NUP188: variants seen among roughly 807,000 people sequenced by gnomAD.
The protein encoded by NUP188 is nucleoporin NUP188.
NUP188 carries 97 observed loss-of-function variants against 223.0 expected under a neutral mutation model. That is an observed-to-expected ratio of 0.43 (90% CI 0.37 to 0.51). NUP188 has a LOEUF of 0.51. Among genes scored for constraint, NUP188 ranks in the 20% least tolerant of loss-of-function variants. NUP188 has a pLI of 0.00. For missense variants in NUP188, 1,947 were observed against 2,175.6 expected (o/e 0.89, Z 2.09); for synonymous variants, 869 against 828.0 (o/e 1.05, Z -0.85).
Position 129,001,743 on chromosome 9 carries a change from C to T in NUP188, c.4044+14C>T. The T allele has an allele frequency of 6.2e-7, 1 of 1,612,122 alleles. No homozygotes were observed. Among genetic ancestry groups the T allele is most frequent in the Non-Finnish European group, 8.5e-7 (1 of 1,179,278 alleles). ...CGCACTCAGCAGGTAGGAGGCCAGC[C>T]CGAAGGCAGGAGGGAGCGTCCTTGC... On this transcript the variant is annotated intron_variant, in intron 35 of 43. Coordinates refer to ENST00000372577, the MANE Select transcript of NUP188 (RefSeq NM_015354.3).
intron 37 of NUP188, 146 bp downstream of exon 37, chr9:129,003,121 C>T: frequency 9.1e-7 from 1 of 1,093,940 alleles, no homozygotes; most frequent in Non-Finnish European, 1.3e-6. Context: ...AAGTACTCTG[C>T]TGGCTCACTG....
chr9:128,987,524 A>G, intron 22 of NUP188, 65 bp from the exon 23 acceptor site: 1 of 1,538,180 alleles, frequency 6.5e-7, no homozygotes, highest in Non-Finnish European at 8.8e-7. Context: ...CTAATTGGAC[A>G]ATGCCCTTCC....
At chr9:128,997,251 A>C (rs575586739) in intron 30 of NUP188, among the ~76,000 whole-genome samples, 2 of 152,284 alleles carry the variant, frequency 1.3e-5, no homozygotes, top group South Asian at 4.2e-4. Context: ...TTCATGAAAG[A>C]GGCAAGCAGG....
At chr9:128,999,458 A>G (rs1184309167) in intron 33 of NUP188, 141 bp downstream of exon 33, 1 of 1,300,468 alleles carries the variant, frequency 7.7e-7, no homozygotes. Flanking sequence ...ACCCCAAGAA[A>G]GCTATTTTTT....
In NUP188 at chr9:128,998,143, C is replaced by T; in HGVS notation, c.3352-8C>T. On this transcript the variant is annotated splice_region_variant and splice_polypyrimidine_tract_variant and intron_variant, in intron 30 of 43. Transcript: ENST00000372577. Reference sequence around the variant, plus strand: ...TCCCAGCTGAAACCTTTTTCTGTTCCTTTGCAGGCAGATATAATGCACCTG... The same window carrying T: ...TCCCAGCTGAAACCTTTTTCTGTTCTTTTGCAGGCAGATATAATGCACCTG... 1 of 1,612,090 alleles carries T rather than the reference C, an allele frequency of 6.2e-7. No homozygotes were observed. Among genetic ancestry groups the T allele is most frequent in the Non-Finnish European group, 8.5e-7 (1 of 1,178,184 alleles).
At position 128,988,161 on chromosome 9, in the gene NUP188, C is replaced by G. The variant is rs1257628152; in HGVS notation, c.2508C>G (p.Pro836=). Residue 836 remains proline (P), a synonymous_variant, in exon 24 of 44, where the codon CCC becomes CCG. Coordinates refer to ENST00000372577, the MANE Select transcript of NUP188 (RefSeq NM_015354.3). ...AACCTCCTTCTAATGTGGTGTCCCC[C>G]CTGGAACAGGCTCTCTCACAACATG... ...RLKPPSNVVS[P]LEQALSQHGA... The G allele has an allele frequency of 6.2e-7, 1 of 1,614,086 alleles. No homozygotes were observed. The highest frequency in any genetic ancestry group is 1.6e-4 in the Middle Eastern group (1 of 6,062).
intron 7 of NUP188, 59 bp from the exon 8 acceptor site, chr9:128,958,956 A>ACAG: frequency 1.1e-5 from 16 of 1,405,994 alleles, no homozygotes; most frequent in Non-Finnish European, 1.5e-5. Context: ...TTTTATTAAT[A>ACAG]TTTATTTGAA....
intron 23 of NUP188, 103 bp downstream of exon 23, chr9:128,987,820 A>G (rs1039213321): frequency 3.4e-5 from 50 of 1,458,540 alleles, no homozygotes; most frequent in Non-Finnish European, 4.4e-5. Context: ...AGAAGACGAC[A>G]TTGTTCTTCC....
chr9:129,005,564 C>G (rs1023474857), intron 40 of NUP188, 34 bp downstream of exon 40: 2 of 1,611,096 alleles, frequency 1.2e-6, no homozygotes, highest in South Asian at 2.2e-5. Context: ...ACCACCTCCC[C>G]TAAAGGCTCT....
At chr9:128,994,545 C>A in intron 28 of NUP188, 103 bp downstream of exon 28, 2 of 803,680 alleles carry the variant, frequency 2.5e-6, no homozygotes, top group Non-Finnish European at 2.1e-6. Flanking sequence ...CCTAATTAAA[C>A]AACAGAATGT....
intron 6 of NUP188, 33 bp downstream of exon 6, chr9:128,958,087 G>A: frequency 1.3e-6 from 2 of 1,559,492 alleles, no homozygotes; most frequent in Non-Finnish European, 1.8e-6. Flanking sequence ...ATTCTTTGAT[G>A]TAAAATTGAG....
Position 128,987,692 on chromosome 9 carries a change from A to C in NUP188, c.2368A>C (p.Met790Leu), listed in dbSNP as rs748037737. The stretch of plus-strand genomic sequence containing the variant: ...GGGCATTGGCGTGGACACCATTGAC[A>C]TGGTGATGGCTGCTCAGCCTCGAAG... ...IMGIGVDTIDMVMAAQPRSDG... is the reference protein window; with the variant it reads ...IMGIGVDTIDLVMAAQPRSDG... The change falls in exon 23 of 44, where the codon ATG becomes CTG. Residue 790 changes from methionine to leucine, a missense_variant. By Grantham distance (15) the Met-to-Leu change is conservative (BLOSUM62 2). Coordinates refer to ENST00000372577, the MANE Select transcript of NUP188 (RefSeq NM_015354.3). 6.2e-7 allele frequency: 1 copy of C among 1,613,998 alleles called. No individual in the cohort carries two copies. Among genetic ancestry groups the C allele is most frequent in the East Asian group, 2.2e-5 (1 of 44,894 alleles).
At chr9:128,956,297 T>G in intron 3 of NUP188, 53 bp from the exon 4 acceptor site, 2 of 1,085,502 alleles carry the variant, frequency 1.8e-6, no homozygotes, top group African/African-American at 1.6e-5. Flanking sequence ...ATTTTTATTT[T>G]AAACTCAGTG....
chr9:128,971,633 T>C (rs1842106005), intron 11 of NUP188, among the ~76,000 whole-genome samples: 1 of 152,056 alleles, frequency 6.6e-6, no homozygotes, highest in Non-Finnish European at 1.5e-5. Context: ...TTGGCCAAGC[T>C]AGTCTTGAAC....
At chr9:128,953,229 C>A (rs556801065) in intron 3 of NUP188, among the ~76,000 whole-genome samples, 1 of 152,320 alleles carries the variant, frequency 6.6e-6, no homozygotes, top group Admixed American at 6.5e-5. Flanking sequence ...ACAATTAATA[C>A]TCTAAGCACC....
intron 3 of NUP188, among the ~76,000 whole-genome samples, chr9:128,955,098 G>A (rs530795509): frequency 1.3e-4 from 19 of 151,970 alleles, no homozygotes; most frequent in African/African-American, 3.9e-4. Flanking sequence ...TGATCCGCCC[G>A]CCTCAGCCTC....
Position 128,981,409 on chromosome 9 carries a change from C to G in NUP188, c.1516+19C>G, listed in dbSNP as rs745965834. ...CCCCTTGGTGAGATAAAGAGATCCC[C>G]CTTTTATGACAGCTTTTTTTTTTTT... is the stretch of plus-strand genomic sequence containing the variant. On this transcript the variant is annotated intron_variant, in intron 15 of 43. Coordinates refer to ENST00000372577, the MANE Select transcript of NUP188 (RefSeq NM_015354.3). 6.3e-7 allele frequency: 1 copy of G among 1,582,896 alleles called. No individual in the cohort carries two copies. The highest frequency in any genetic ancestry group is 2.0e-5 in the Admixed American group (1 of 50,394).
chr9:128,996,056 T>C (rs961144340), intron 30 of NUP188, among the ~76,000 whole-genome samples: 4 of 152,316 alleles, frequency 2.6e-5, no homozygotes, highest in Admixed American at 1.3e-4. Context: ...CTGGAAGAAA[T>C]GCATTGTTCT....
In NUP188 at chr9:128,970,225, G is replaced by A. The variant is rs140118087; in HGVS notation, c.913-533G>A. Among the ~76,000 whole-genome samples, 850 of 152,302 alleles carry A rather than the reference G, an allele frequency of 5.6e-3. 7 individuals are homozygous for A. Among genetic ancestry groups the A allele is most frequent in the African/African-American group, 0.019 (808 of 41,564 alleles). ...TTACAGGCTTGAGCCACCGTGCCCG[G>A]CCTCTACAATGTTAAACAGTTGATT... On this transcript the variant is annotated intron_variant, in intron 10 of 43. Transcript: ENST00000372577.
Sources: gnomAD v4.1 joint callset for allele counts (sites outside exome capture counted in the v4.1 genomes callset) on GRCh38, gnomAD v4.1.1 for gene constraint, MANE v1.5 for transcripts, NCBI Gene and HGNC (gene_info 2026-07-23, HGNC 2026-07-21) for gene names.